Variants in C1orf105 observed in about 807,000 individuals in gnomAD.
C1orf105 encodes the protein uncharacterized protein C1orf105.
C1orf105 carries 17 observed loss-of-function variants against 20.8 expected under a neutral mutation model. The ratio of observed to expected loss-of-function variants is 0.82; its 90% confidence interval spans 0.56 to 1.23. The LOEUF (loss-of-function observed/expected upper bound fraction) is 1.23. Ranked by LOEUF, C1orf105 falls within the 50% of genes most tolerant of loss-of-function variation. The pLI is 0.00. For missense variants in C1orf105, 219 were observed against 213.5 expected (o/e 1.03, Z -0.16); for synonymous variants, 72 against 72.1 (o/e 1.00, Z 0.01).
chr1:172,429,565 C>T (rs1378831713), intron 1 of C1orf105, among the ~76,000 whole-genome samples: 2 of 152,196 alleles, frequency 1.3e-5, no homozygotes, highest in Non-Finnish European at 2.9e-5. Context: ...GTAACTGATG[C>T]CCTCTGCTGA....
chr1:172,459,786 G>A lies in C1orf105; in HGVS notation c.274-2392G>A, dbSNP rs115309251. On this transcript the variant is annotated intron_variant, in intron 4 of 6. Transcript: ENST00000367727. The stretch of plus-strand genomic sequence containing the variant: ...GCAGCCATATCTTAATAGCTGAAAA[G>A]TGGAAATAACCCAAATGCCTAGGGC... Among the ~76,000 whole-genome samples the A allele has an allele frequency of 1.8e-3, 272 of 152,254 alleles. 1 individual carries two copies. The highest frequency in any genetic ancestry group is 6.4e-3 in the African/African-American group (267 of 41,554).
chr1:172,459,740 A>C (rs1649559868), intron 4 of C1orf105, among the ~76,000 whole-genome samples: 1 of 152,192 alleles, frequency 6.6e-6, no homozygotes, highest in South Asian at 2.1e-4. Flanking sequence ...TCACACACAA[A>C]ATTCTACAAG....
intron 3 of C1orf105, among the ~76,000 whole-genome samples, chr1:172,454,549 A>T (rs888201809): frequency 2.6e-5 from 4 of 151,154 alleles, no homozygotes. Flanking sequence ...ACTCCATTCA[A>T]CCTCCCACCA....
rs1647311057 is a variant in C1orf105, at chr1:172,441,579, C to T, written c.22-3494C>T. On this transcript the variant is annotated intron_variant, in intron 1 of 6. Transcript: ENST00000367727. ...AGAAAGGATAAGCACCCTCACCACC[C>T]AAGCCTTTGGTTCATTTTTTTTGGT... 4 of 667,262 alleles carry T rather than the reference C, an allele frequency of 6.0e-6. No homozygotes were observed. The Admixed American group carries it at 1.1e-4, about 19-fold the overall frequency. 41.3% of individuals were successfully genotyped at this position (667,262 alleles called of 1,614,324 possible).
At chr1:172,422,204 T>C (rs949471869) in intron 1 of C1orf105, among the ~76,000 whole-genome samples, 2 of 152,098 alleles carry the variant, frequency 1.3e-5, no homozygotes, top group Admixed American at 1.3e-4. Flanking sequence ...GCAACACAGC[T>C]TATGGCTCCA....
intron 1 of C1orf105, among the ~76,000 whole-genome samples, chr1:172,428,577 T>TC (rs1316728115): frequency 6.6e-6 from 1 of 152,224 alleles, no homozygotes; most frequent in Non-Finnish European, 1.5e-5. Flanking sequence ...GGGATGCTCT[T>TC]CCCCAGGGAA....
chr1:172,426,349 G>C (rs2071721947), intron 1 of C1orf105, among the ~76,000 whole-genome samples: 1 of 152,062 alleles, frequency 6.6e-6, no homozygotes, highest in African/African-American at 2.4e-5. Context: ...GAACCTCATG[G>C]CATCAGATTA....
chr1:172,422,846 G>GCAGT (rs1299669055), intron 1 of C1orf105, among the ~76,000 whole-genome samples: 1 of 152,112 alleles, frequency 6.6e-6, no homozygotes, highest in Non-Finnish European at 1.5e-5. Context: ...CAGTATCCCA[G>GCAGT]CAGTACTCCT....
At chr1:172,466,191 G>A (rs932520728) in intron 6 of C1orf105, among the ~76,000 whole-genome samples, 3 of 152,188 alleles carry the variant, frequency 2.0e-5, no homozygotes, top group Non-Finnish European at 4.4e-5. Context: ...GAGGATTGAA[G>A]GGATGTCTTG....
At chr1:172,465,533 C>T (rs1260278576) in intron 6 of C1orf105, 170 bp downstream of exon 6, 4 of 689,004 alleles carry the variant, frequency 5.8e-6, no homozygotes, top group Non-Finnish European at 1.1e-5. Context: ...GTTCACAGCC[C>T]TTCTTTCACT....
In C1orf105 at chr1:172,456,404, T is replaced by C. The variant is rs760006718; in HGVS notation, c.199-11T>C. 7 of 1,611,238 alleles carry C rather than the reference T, an allele frequency of 4.3e-6. No individual in the cohort carries two copies. Among genetic ancestry groups the C allele is most frequent in the Non-Finnish European group, 5.1e-6 (6 of 1,179,196 alleles). On this transcript the variant is annotated splice_polypyrimidine_tract_variant and intron_variant, in intron 3 of 6. Coordinates refer to ENST00000367727, the MANE Select transcript of C1orf105 (RefSeq NM_139240.4). The stretch of plus-strand genomic sequence containing the variant: ...ATTTCCTCACCTCTCTCTGTCTCTC[T>C]TTCCCCTCAGGCCAGGAGGAACCAG...
chr1:172,441,633 C>T (rs1573852675), intron 1 of C1orf105: 1 of 1,118,196 alleles, frequency 8.9e-7, no homozygotes, highest in South Asian at 1.9e-5. Context: ...ACCACAATGA[C>T]ATGCTGCTTC....
intron 1 of C1orf105, among the ~76,000 whole-genome samples, chr1:172,440,330 T>C (rs761505906): frequency 6.6e-6 from 1 of 152,236 alleles, no homozygotes; most frequent in Non-Finnish European, 1.5e-5. Context: ...CAGGTTTTCT[T>C]ACATGTCAGC....
chr1:172,427,303 G>T (rs1224093734), intron 1 of C1orf105, among the ~76,000 whole-genome samples: 1 of 152,082 alleles, frequency 6.6e-6, no homozygotes, highest in East Asian at 1.9e-4. Context: ...TGCCCTTGTC[G>T]AAAGCCAGGC....
chr1:172,457,909 A>G (rs1649410911), intron 4 of C1orf105, among the ~76,000 whole-genome samples: 1 of 152,220 alleles, frequency 6.6e-6, no homozygotes, highest in South Asian at 2.1e-4. Flanking sequence ...GAAAATAAAC[A>G]TGAAATATCC....
chr1:172,461,886 A>G (rs4916259), intron 4 of C1orf105, among the ~76,000 whole-genome samples: 132,440 of 152,194 alleles, frequency 0.87, 57,839 homozygotes, highest in East Asian at 1. Flanking sequence ...CTGTGATAAA[A>G]TGACAGTTAA....
intron 1 of C1orf105, chr1:172,444,199 G>A (rs1420787854): frequency 6.1e-6 from 6 of 986,062 alleles, no homozygotes; most frequent in Non-Finnish European, 6.0e-6. Flanking sequence ...CCTGGAGACT[G>A]GCCCAAACCC....
At position 172,456,499 on chromosome 1, in the gene C1orf105, G is replaced by A. The variant is rs758269931; in HGVS notation, c.273+10G>A. 75 of 1,612,064 alleles carry A rather than the reference G, an allele frequency of 4.7e-5. No individual in the cohort carries two copies. Among genetic ancestry groups the A allele is most frequent in the Non-Finnish European group, 4.5e-5 (53 of 1,179,508 alleles). The stretch of plus-strand genomic sequence containing the variant: ...TCAAGAAATGAAAATGGTAGGCAAG[G>A]GGGAAGACAGAAATGGGCACAGGCA... On this transcript the variant is annotated intron_variant, in intron 4 of 6. Transcript: ENST00000367727.
At chr1:172,459,864 A>G (rs756324016) in intron 4 of C1orf105, among the ~76,000 whole-genome samples, 7 of 152,214 alleles carry the variant, frequency 4.6e-5, no homozygotes, top group Admixed American at 1.3e-4. Context: ...AATATTAATC[A>G]TAAAAAAGAA....
Sources: allele counts gnomAD v4.1 joint callset (sites outside exome capture counted in the v4.1 genomes callset), GRCh38; gene constraint gnomAD v4.1.1; transcripts MANE v1.5; gene names NCBI Gene and HGNC (gene_info 2026-07-23, HGNC 2026-07-21).